Variants in FAM227B observed in about 807,000 individuals in gnomAD.
FAM227B encodes family with sequence similarity 227 member B.
FAM227B carries 88 observed loss-of-function variants against 73.8 expected under a neutral mutation model. That is an observed-to-expected ratio of 1.19 (90% CI 1.00 to 1.42). The LOEUF (loss-of-function observed/expected upper bound fraction) is 1.42, where lower values mean the gene tolerates loss of function less well. Among genes scored for constraint, FAM227B ranks in the 40% most tolerant of loss-of-function variants. FAM227B has a pLI of 0.00. For synonymous variants in FAM227B, 210 were observed against 190.5 expected (o/e 1.10, Z -0.84); for missense variants, 632 against 590.9 (o/e 1.07, Z -0.72).
chr15:49,601,064 A>G (rs904524256), intron 3 of FAM227B, among the ~76,000 whole-genome samples: 4 of 150,636 alleles, frequency 2.7e-5, no homozygotes, highest in Non-Finnish European at 5.9e-5. Flanking sequence ...AAAGAATTTA[A>G]TACTACCACT....
At position 49,602,859 on chromosome 15, in the gene FAM227B, C is replaced by A. The variant is rs140220654; in HGVS notation, c.105+8356G>T. Among the ~76,000 whole-genome samples the A allele has an allele frequency of 5.3e-3, 805 of 152,316 alleles. 7 individuals are homozygous for A. The highest frequency in any genetic ancestry group is 0.024 in the Middle Eastern group (7 of 294). On this transcript the variant is annotated intron_variant, in intron 3 of 15. Coordinates refer to ENST00000299338, the MANE Select transcript of FAM227B (RefSeq NM_152647.3). ...ATAGGGGTCTAGTTTCATTCTTCTG[C>A]ATATGGATATCCAGTTTTCCCAGCA... is the stretch of plus-strand genomic sequence containing the variant.
At chr15:49,392,678 C>T (rs556075667) in intron 11 of FAM227B, among the ~76,000 whole-genome samples, 49 of 152,204 alleles carry the variant, frequency 3.2e-4, no homozygotes, top group Non-Finnish European at 5.6e-4. Context: ...AGAAATAATG[C>T]GTTGAACTCA....
At chr15:49,412,838 C>G (rs557295643) in intron 11 of FAM227B, among the ~76,000 whole-genome samples, 139 of 152,062 alleles carry the variant, frequency 9.1e-4, no homozygotes, top group Non-Finnish European at 1.8e-3. Flanking sequence ...TATTTCCACA[C>G]TTGTGTGGAA....
chr15:49,613,213 A>G (rs7162741), intron 2 of FAM227B, among the ~76,000 whole-genome samples: 37,784 of 152,038 alleles, frequency 0.25, 5,641 homozygotes, highest in Non-Finnish European at 0.34. Context: ...AAGGTAAAAC[A>G]AAACAAAACA....
chr15:49,366,715 G>A (rs1448137571), intron 13 of FAM227B: 37 of 1,247,640 alleles, frequency 3.0e-5, no homozygotes, highest in South Asian at 6.0e-5. Flanking sequence ...GGGGTGGCGC[G>A]GCGCGGCTCA....
rs377339049 is a variant in FAM227B at position 49,464,903 on chromosome 15, A to G, written c.1012+43308T>C. Reference sequence around the variant, plus strand: ...AATAAATGAATAACGTAAGACATACATGACATACCTAAAAAACATTTTGGC... The same window carrying G: ...AATAAATGAATAACGTAAGACATACGTGACATACCTAAAAAACATTTTGGC... On this transcript the variant is annotated intron_variant, in intron 11 of 15. Transcript: ENST00000299338. Among the ~76,000 whole-genome samples the G allele has an allele frequency of 8.5e-5, 13 of 152,334 alleles. 1 individual carries two copies. The highest frequency in any genetic ancestry group is 4.1e-4 in the South Asian group (2 of 4,824).
chr15:49,476,232 G>GTTTTTTTTTTTTTT lies in FAM227B; in HGVS notation c.1012+31978_1012+31979insAAAAAAAAAAAAAA. On this transcript the variant is annotated intron_variant, in intron 11 of 15. Coordinates refer to ENST00000299338, the MANE Select transcript of FAM227B (RefSeq NM_152647.3). ...TTGCTGTTTTGTTTTTTTGTTTTTG[G>GTTTTTTTTTTTTTT]TTTTTTTTTTTTTGCATTTGGCATA... 7.4e-3 allele frequency among the ~76,000 whole-genome samples: 426 copies of GTTTTTTTTTTTTTT among 57,210 alleles called. 57 individuals are homozygous for GTTTTTTTTTTTTTT. The highest frequency in any genetic ancestry group is 0.011 in the Non-Finnish European group (295 of 27,344). The allele number at this position is 57,210 out of a possible 152,430, so 37.5% of individuals were successfully genotyped here. A position where few individuals can be genotyped will look rare whatever the true frequency, so the allele number is the denominator to read the frequency against.
At chr15:49,471,093 G>C (rs1299747175) in intron 11 of FAM227B, among the ~76,000 whole-genome samples, 1 of 152,134 alleles carries the variant, frequency 6.6e-6, no homozygotes, top group Non-Finnish European at 1.5e-5. Flanking sequence ...TATTAGAAAA[G>C]ATAAGTACTT....
chr15:49,574,893 A>G (rs2075350867), intron 8 of FAM227B, 118 bp downstream of exon 8: 2 of 558,904 alleles, frequency 3.6e-6, no homozygotes, highest in Non-Finnish European at 6.3e-6. Context: ...TGGAATGCTC[A>G]AAAACTAATC....
intron 11 of FAM227B, among the ~76,000 whole-genome samples, chr15:49,443,990 G>C (rs2051933770): frequency 6.6e-6 from 1 of 151,594 alleles, no homozygotes; most frequent in Non-Finnish European, 1.5e-5. Flanking sequence ...ACACTTTTGA[G>C]AGTAAAAGAT....
In FAM227B at chr15:49,568,315, T is replaced by C. The variant is rs1418442653; in HGVS notation, c.677A>G (p.Asp226Gly). ...TGTCACATAACTTTCTGAAATTCTA[T>C]CGAATAAGCAATCTTGGTTTTCTCT... ...PDRENQDCLF[D>G]RISESYVTLF... The change falls in exon 9 of 16, where the codon GAT (aspartate) becomes GGT (glycine). Residue 226 changes from aspartate (D) to glycine (G), a missense_variant. Transcript: ENST00000299338. The C allele has an allele frequency of 1.2e-6, 2 of 1,611,294 alleles. No individual in the cohort carries two copies. Among genetic ancestry groups the C allele is most frequent in the Non-Finnish European group, 1.7e-6 (2 of 1,178,810 alleles).
At chr15:49,501,713 T>G (rs559128236) in intron 11 of FAM227B, among the ~76,000 whole-genome samples, 2 of 152,174 alleles carry the variant, frequency 1.3e-5, no homozygotes, top group Non-Finnish European at 2.9e-5. Flanking sequence ...CTAGAGAAAT[T>G]TGCATAACAA....
intron 11 of FAM227B, 63 bp downstream of exon 11, chr15:49,508,148 A>T: frequency 6.6e-7 from 1 of 1,519,178 alleles, no homozygotes; most frequent in Non-Finnish European, 8.9e-7. Context: ...ATTCTGCCTA[A>T]TAAATAAATT....
At chr15:49,351,853 T>A (rs781621670) in intron 13 of FAM227B, among the ~76,000 whole-genome samples, 3 of 152,200 alleles carry the variant, frequency 2.0e-5, no homozygotes, top group Non-Finnish European at 4.4e-5. Flanking sequence ...TCAGTGGATG[T>A]GGGCTAGCTT....
intron 8 of FAM227B, 106 bp from the exon 9 acceptor site, chr15:49,568,452 C>G: frequency 2.3e-6 from 2 of 873,346 alleles, no homozygotes; most frequent in Non-Finnish European, 3.5e-6. Flanking sequence ...TCAATTGGTA[C>G]AGGAGAATCA....
At chr15:49,573,030 C>T in intron 8 of FAM227B, among the ~76,000 whole-genome samples, 1 of 148,116 alleles carries the variant, frequency 6.8e-6, no homozygotes, top group African/African-American at 2.5e-5. Flanking sequence ...GCTGAACTTT[C>T]TCTTTCTGGA....
intron 11 of FAM227B, among the ~76,000 whole-genome samples, chr15:49,401,049 C>T (rs1485934431): frequency 6.6e-6 from 1 of 152,216 alleles, no homozygotes; most frequent in East Asian, 1.9e-4. Flanking sequence ...AAACTACCAT[C>T]AGAGTGAACA....
intron 10 of FAM227B, among the ~76,000 whole-genome samples, chr15:49,510,018 T>C (rs2058867731): frequency 6.6e-6 from 1 of 152,114 alleles, no homozygotes. Flanking sequence ...CCCAAGACCA[T>C]ATCTTGCTTC....
intron 11 of FAM227B, among the ~76,000 whole-genome samples, chr15:49,440,188 C>G (rs1287732346): frequency 6.6e-6 from 1 of 151,726 alleles, no homozygotes. Flanking sequence ...TTTAGTTAAA[C>G]CCACTGTGTA....
Sources: gnomAD v4.1 joint callset for allele counts (sites outside exome capture counted in the v4.1 genomes callset) on GRCh38, gnomAD v4.1.1 for gene constraint, MANE v1.5 for transcripts, NCBI Gene and HGNC (gene_info 2026-07-23, HGNC 2026-07-21) for gene names.